NRG4: variants seen among roughly 807,000 people sequenced by gnomAD.
NRG4 encodes the protein pro-neuregulin-4, membrane-bound isoform.
In NRG4, 10 loss-of-function variants were observed where a neutral mutation model predicts 15.0. The observed-to-expected ratio is 0.67, with a 90% CI of 0.41 to 1.13. NRG4 has a LOEUF of 1.13. Among genes scored for constraint, NRG4 ranks in the 50% most tolerant of loss-of-function variants. The pLI is 0.00. For synonymous variants in NRG4, 41 were observed against 50.1 expected (o/e 0.82, Z 0.77); for missense variants, 139 against 140.2 (o/e 0.99, Z 0.04).
At chr15:76,007,377 T>C (rs908640602) in intron 3 of NRG4, among the ~76,000 whole-genome samples, 3 of 151,568 alleles carry the variant, frequency 2.0e-5, no homozygotes, top group Admixed American at 2.0e-4. Flanking sequence ...CATGCAGCCA[T>C]CATCAAGATC....
chr15:75,965,746 A>C (rs1263655422), intron 3 of NRG4, among the ~76,000 whole-genome samples: 1 of 152,240 alleles, frequency 6.6e-6, no homozygotes, highest in Non-Finnish European at 1.5e-5. Context: ...TTTCAGGCAA[A>C]CAGAATTAAT....
chr15:75,988,521 AAAC>A (rs1484601537), intron 3 of NRG4, among the ~76,000 whole-genome samples: 1 of 152,192 alleles, frequency 6.6e-6, no homozygotes, highest in Non-Finnish European at 1.5e-5. Flanking sequence ...TTTTGTGTTT[AAAC>A]ATTTCACAAA....
At chr15:76,023,253 G>A (rs190868966) in intron 5 of NRG4, among the ~76,000 whole-genome samples, 16 of 151,286 alleles carry the variant, frequency 1.1e-4, no homozygotes, top group Admixed American at 1.1e-3. Flanking sequence ...GTGCTGGAGT[G>A]CAGTAGGGGA....
chr15:76,053,375 A>C (rs1408666191), intron 2 of NRG4: 3 of 150,774 alleles, frequency 2.0e-5, no homozygotes, highest in African/African-American at 5.0e-5. Flanking sequence ...TTCATCTGTA[A>C]AATGACATTA....
At chr15:75,944,726 C>T (rs2031356603) in intron 5 of NRG4, among the ~76,000 whole-genome samples, 1 of 149,518 alleles carries the variant, frequency 6.7e-6, no homozygotes, top group African/African-American at 2.5e-5. Context: ...ATTTTCATGA[C>T]ATATCTTGTC....
upstream of NRG4, among the ~76,000 whole-genome samples, chr15:76,012,851 A>G (rs1182586783): frequency 6.6e-6 from 1 of 152,230 alleles, no homozygotes; most frequent in Non-Finnish European, 1.5e-5. Flanking sequence ...AAAGAAGGTA[A>G]TAGCTATAAT....
chr15:76,041,378 G>A (rs1314548264), intron 4 of NRG4, among the ~76,000 whole-genome samples: 1 of 149,402 alleles, frequency 6.7e-6, no homozygotes, highest in Non-Finnish European at 1.5e-5. Context: ...GAATGGATAA[G>A]AAAACAAACA....
intron 3 of NRG4, among the ~76,000 whole-genome samples, chr15:75,972,853 G>C (rs540974929): frequency 6.6e-6 from 1 of 152,260 alleles, no homozygotes; most frequent in Non-Finnish European, 1.5e-5. Flanking sequence ...TGGCTATACA[G>C]GCTCTTTTTT....
At chr15:75,954,074 C>T (rs1385190837) in intron 5 of NRG4, among the ~76,000 whole-genome samples, 2 of 152,132 alleles carry the variant, frequency 1.3e-5, no homozygotes, top group Non-Finnish European at 2.9e-5. Flanking sequence ...TCCCTCCTCT[C>T]TCTTATCTCC....
chr15:75,980,372 T>C (rs1311728597), intron 3 of NRG4, among the ~76,000 whole-genome samples: 2 of 121,292 alleles, frequency 1.6e-5, no homozygotes, highest in Non-Finnish European at 3.5e-5. Flanking sequence ...AATACATTTT[T>C]TTCTTTGGGG....
Position 75,992,791 on chromosome 15 carries a change from T to C in NRG4, c.104+16409A>G, listed in dbSNP as rs2034067257. Among the ~76,000 whole-genome samples the C allele has an allele frequency of 2.0e-5, 3 of 152,202 alleles. No homozygotes were observed. The South Asian group carries it at 6.2e-4, about 32-fold the overall frequency. On this transcript the variant is annotated intron_variant, in intron 3 of 5. Transcript: ENST00000394907. Reference sequence around the variant, plus strand: ...TGGGGTTATTTTGCAAATGGCTTCTTTGACTTAGCATAATGTTTGTATGGG... The same window carrying C: ...TGGGGTTATTTTGCAAATGGCTTCTCTGACTTAGCATAATGTTTGTATGGG...
Position 75,998,066 on chromosome 15 carries a change from C to T in NRG4, c.104+11134G>A, listed in dbSNP as rs906058677. ...CTCTGCTTTATCAAATTCTATCCTA[C>T]ATAATGTGAAACCCGAGAGAATTAA... On this transcript the variant is annotated intron_variant, in intron 3 of 5. Coordinates refer to ENST00000394907, the MANE Select transcript of NRG4 (RefSeq NM_138573.4). 3.3e-5 allele frequency among the ~76,000 whole-genome samples: 5 copies of T among 152,208 alleles called. No individual in the cohort carries two copies. In the South Asian group the frequency reaches 6.2e-4, roughly 19 times the overall value.
chr15:76,017,235 T>C (rs147257235), upstream of NRG4, among the ~76,000 whole-genome samples: 205 of 151,244 alleles, frequency 1.4e-3, 5 homozygotes, highest in East Asian at 0.035. Context: ...GTGTGTTTCT[T>C]TGCATATAAG....
At chr15:75,991,126 C>T (rs941952306) in intron 3 of NRG4, among the ~76,000 whole-genome samples, 1 of 152,004 alleles carries the variant, frequency 6.6e-6, no homozygotes, top group East Asian at 1.9e-4. Flanking sequence ...AGAACGTACT[C>T]TAAGGCAGGG....
chr15:75,985,863 G>A (rs1056572192), intron 3 of NRG4, among the ~76,000 whole-genome samples: 2 of 152,150 alleles, frequency 1.3e-5, no homozygotes, highest in East Asian at 1.9e-4. Flanking sequence ...CAAGACAAGT[G>A]ACAAACTAGA....
At position 75,941,822 on chromosome 15, in the gene NRG4, G is replaced by C. The variant is rs2030988809; in HGVS notation, c.*1816C>G. On this transcript the variant is annotated 3_prime_UTR_variant, in exon 6 of 6. Coordinates refer to ENST00000394907, the MANE Select transcript of NRG4 (RefSeq NM_138573.4). The stretch of plus-strand genomic sequence containing the variant: ...TGTGGGATCATGAAAAAGTTCCGGA[G>C]GTGCATAGTGGTGACTGGTACATAC... 6.6e-6 allele frequency: 1 copy of C among 151,656 alleles called. No homozygotes were observed. Among genetic ancestry groups the C allele is most frequent in the Non-Finnish European group, 1.5e-5 (1 of 67,934 alleles). The allele number at this position is 151,656 out of a possible 1,614,324, so 9.4% of individuals were successfully genotyped here.
At chr15:75,981,127 A>G (rs943612800) in intron 3 of NRG4, among the ~76,000 whole-genome samples, 3 of 152,156 alleles carry the variant, frequency 2.0e-5, no homozygotes, top group Non-Finnish European at 4.4e-5. Context: ...CAGTGGCCCT[A>G]TGACTTGCTT....
chr15:75,949,887 T>C (rs2031774023), intron 5 of NRG4, among the ~76,000 whole-genome samples: 1 of 152,272 alleles, frequency 6.6e-6, no homozygotes, highest in African/African-American at 2.4e-5. Flanking sequence ...AATTGTGGTC[T>C]ATCTGGATGC....
intron 5 of NRG4, among the ~76,000 whole-genome samples, chr15:76,028,489 G>C (rs1008260658): frequency 2.0e-5 from 3 of 151,746 alleles, no homozygotes; most frequent in Non-Finnish European, 4.4e-5. Context: ...AAGTAAAGCA[G>C]TAATAAAACA....
Sources: allele counts gnomAD v4.1 joint callset (sites outside exome capture counted in the v4.1 genomes callset), GRCh38; gene constraint gnomAD v4.1.1; transcripts MANE v1.5; gene names NCBI Gene and HGNC (gene_info 2026-07-23, HGNC 2026-07-21).